Variants in LOC128462377 observed in about 807,000 individuals in gnomAD.
At chr16:89,348,424 T>C in the LOC128462377 span, among the ~76,000 whole-genome samples, 1 of 152,186 alleles carries the variant, frequency 6.6e-6, no homozygotes, top group Non-Finnish European at 1.5e-5. Context: ...AGTATTAATG[T>C]GGGTGTTTCT....
chr16:89,350,556 C>T, the LOC128462377 span, among the ~76,000 whole-genome samples: 3 of 152,220 alleles, frequency 2.0e-5, no homozygotes, highest in Non-Finnish European at 4.4e-5. Context: ...AGAGTCCACA[C>T]TCAATGATTC....
the LOC128462377 span, among the ~76,000 whole-genome samples, chr16:89,345,683 T>C: frequency 1.6e-4 from 25 of 152,232 alleles, no homozygotes; most frequent in Admixed American, 1.6e-3. Flanking sequence ...GAAAAAGTAA[T>C]CCAGCTGGCT....
At chr16:89,414,441 G>A in the LOC128462377 span, among the ~76,000 whole-genome samples, 1 of 152,198 alleles carries the variant, frequency 6.6e-6, no homozygotes, top group African/African-American at 2.4e-5. Context: ...CACCGCCTGA[G>A]AGGACTAACC....
At chr16:89,409,333 C>T in the LOC128462377 span, among the ~76,000 whole-genome samples, 36 of 152,344 alleles carry the variant, frequency 2.4e-4, no homozygotes, top group African/African-American at 7.9e-4. Flanking sequence ...GCCACCAACA[C>T]AACTCTGTTC....
chr16:89,384,748 T>A, the LOC128462377 span, among the ~76,000 whole-genome samples: 5 of 152,090 alleles, frequency 3.3e-5, no homozygotes, highest in African/African-American at 9.7e-5. Context: ...CTTACTGTAT[T>A]TTTGGCAACC....
At chr16:89,391,466 C>T in the LOC128462377 span, among the ~76,000 whole-genome samples, 1 of 152,210 alleles carries the variant, frequency 6.6e-6, no homozygotes, top group Non-Finnish European at 1.5e-5. Flanking sequence ...ACAGAACTGA[C>T]TGCCTCCCTG....
At chr16:89,394,162 C>A in the LOC128462377 span, among the ~76,000 whole-genome samples, 1 of 152,034 alleles carries the variant, frequency 6.6e-6, no homozygotes, top group African/African-American at 2.4e-5. Flanking sequence ...ACAATGTCCT[C>A]CTGAGGTCAA....
At chr16:89,403,347 C>T in the LOC128462377 span, among the ~76,000 whole-genome samples, 104 of 152,260 alleles carry the variant, frequency 6.8e-4, no homozygotes, top group Non-Finnish European at 1.3e-3. Context: ...GCCCCAGCAC[C>T]GCGTGGAAGA....
At chr16:89,348,873 TAA>T in the LOC128462377 span, among the ~76,000 whole-genome samples, 8 of 130,378 alleles carry the variant, frequency 6.1e-5, no homozygotes, top group Admixed American at 7.7e-5. Flanking sequence ...TTATTGTCTT[TAA>T]AAAAAAAAAA....
chr16:89,378,064 A>AATAT, the LOC128462377 span, among the ~76,000 whole-genome samples: 1 of 152,168 alleles, frequency 6.6e-6, no homozygotes, highest in African/African-American at 2.4e-5. Flanking sequence ...CGACATATAA[A>AATAT]ATATGAGGGG....
the LOC128462377 span, among the ~76,000 whole-genome samples, chr16:89,335,768 T>A: frequency 6.6e-6 from 1 of 152,192 alleles, no homozygotes; most frequent in Non-Finnish European, 1.5e-5. Context: ...TGTGTGACAG[T>A]GAGAGGCCCC....
the LOC128462377 span, among the ~76,000 whole-genome samples, chr16:89,349,082 G>A: frequency 8.0e-6 from 1 of 125,262 alleles, no homozygotes; most frequent in Non-Finnish European, 1.6e-5. Context: ...GAGTCTAGAT[G>A]GCACCACTGC....
the LOC128462377 span, among the ~76,000 whole-genome samples, chr16:89,417,947 G>T: frequency 3.9e-5 from 6 of 152,220 alleles, no homozygotes; most frequent in Non-Finnish European, 7.3e-5. Context: ...CACAGGGTGG[G>T]GGTCTCAGTC....
the LOC128462377 span, among the ~76,000 whole-genome samples, chr16:89,352,849 T>C: frequency 3.9e-5 from 6 of 152,234 alleles, no homozygotes; most frequent in Admixed American, 2.0e-4. Context: ...ACCTGCTTTG[T>C]CAGCATCTTG....
the LOC128462377 span, among the ~76,000 whole-genome samples, chr16:89,367,805 G>A: frequency 6.6e-6 from 1 of 152,146 alleles, no homozygotes; most frequent in Non-Finnish European, 1.5e-5. Context: ...TTCAAAAGCA[G>A]GTGGGGAGCC....
chr16:89,332,244 G>A, the LOC128462377 span, among the ~76,000 whole-genome samples: 1 of 152,156 alleles, frequency 6.6e-6, no homozygotes, highest in Non-Finnish European at 1.5e-5. Flanking sequence ...TTTACAAGCA[G>A]ACTATAAACA....
chr16:89,388,352 G>C, the LOC128462377 span, among the ~76,000 whole-genome samples: 3 of 135,808 alleles, frequency 2.2e-5, no homozygotes, highest in South Asian at 2.3e-4. Context: ...GGCTGGTCTT[G>C]AACTCCTGAC....
chr16:89,388,514 ACG>A, the LOC128462377 span, among the ~76,000 whole-genome samples: 2 of 151,982 alleles, frequency 1.3e-5, no homozygotes, highest in Non-Finnish European at 2.9e-5. Flanking sequence ...GTGCTGTCGA[ACG>A]CACACACGTC....
At chr16:89,338,655 G>A in the LOC128462377 span, among the ~76,000 whole-genome samples, 2 of 143,218 alleles carry the variant, frequency 1.4e-5, no homozygotes, top group African/African-American at 5.2e-5. Flanking sequence ...AACCTGGGAA[G>A]CTGAGGTTGC....
Sources: allele counts gnomAD v4.1 joint callset (sites outside exome capture counted in the v4.1 genomes callset), GRCh38; gene constraint gnomAD v4.1.1; transcripts MANE v1.5.